Variants in CAT observed in about 807,000 individuals in gnomAD.
The protein encoded by CAT is catalase, also known as epididymis secretory sperm binding protein.
A neutral mutation model predicts 59.0 loss-of-function variants in CAT; 43 were observed. That is an observed-to-expected ratio of 0.73 (90% CI 0.57 to 0.94). CAT has a LOEUF of 0.94. CAT is among the 40% of genes least tolerant of loss of function. The pLI is 0.00. For synonymous variants in CAT, 218 were observed against 230.9 expected (o/e 0.94, Z 0.51); for missense variants, 664 against 682.9 (o/e 0.97, Z 0.31).
chr11:34,463,071 T>G (rs1261329039), intron 9 of CAT, among the ~76,000 whole-genome samples: 1 of 152,174 alleles, frequency 6.6e-6, no homozygotes, highest in East Asian at 1.9e-4. Context: ...GATTATCCAC[T>G]GTGGATAATC....
At chr11:34,451,220 A>G (rs937578193) in intron 3 of CAT, 122 bp downstream of exon 3, 43 of 742,644 alleles carry the variant, frequency 5.8e-5, no homozygotes, top group South Asian at 1.8e-4. Flanking sequence ...AATTATGTCA[A>G]GGTTTTACAG....
intron 3 of CAT, among the ~76,000 whole-genome samples, chr11:34,451,314 T>C (rs1464705523): frequency 6.6e-6 from 1 of 152,256 alleles, no homozygotes; most frequent in Non-Finnish European, 1.5e-5. Flanking sequence ...ACACAGAGGC[T>C]ACCTCTGCAA....
At chr11:34,461,926 A>G (rs1271790931) in intron 9 of CAT, among the ~76,000 whole-genome samples, 1 of 152,216 alleles carries the variant, frequency 6.6e-6, no homozygotes, top group East Asian at 1.9e-4. Context: ...GAGGCAGAGC[A>G]AGTCAAAGGA....
At chr11:34,441,579 G>T (rs141666428) in intron 1 of CAT, among the ~76,000 whole-genome samples, 8 of 152,258 alleles carry the variant, frequency 5.3e-5, no homozygotes, top group Middle Eastern at 3.4e-3. Context: ...AGGATAGTTT[G>T]AGCTCAGGAG....
chr11:34,439,222 A>G lies in CAT; in HGVS notation c.66+143A>G, dbSNP rs11604331. 0.3 allele frequency: 233,157 copies of G among 785,378 alleles called. 39,919 individuals carry two copies. Among genetic ancestry groups the G allele is most frequent in the Non-Finnish European group, 0.35 (161,998 of 461,284 alleles). 48.7% of individuals were successfully genotyped at this position (785,378 alleles called of 1,614,324 possible). ...GGGCAGGGGGGATCCCCTTCGGTGC[A>G]GACGGACTTTTACATTCGCCGAAGC... On this transcript the variant is annotated intron_variant, in intron 1 of 12. Transcript: ENST00000241052.
Position 34,471,476 on chromosome 11 carries a change from C to T in CAT, c.*43C>T, listed in dbSNP as rs376679358. On this transcript the variant is annotated 3_prime_UTR_variant, in exon 13 of 13. Transcript: ENST00000241052. ...TGTGCAGCGAAGCTTAGCGTTCATC[C>T]GTGTAACCCGCTCATCACTGGATGA... 60 of 1,508,680 alleles carry T rather than the reference C, an allele frequency of 4.0e-5. No homozygotes were observed. In the African/African-American group the frequency reaches 5.8e-4, roughly 15 times the overall value. The allele number at this position is 1,508,680 out of a possible 1,614,324, so 93.5% of individuals were successfully genotyped here.
At chr11:34,461,176 G>C in intron 8 of CAT, 75 bp from the exon 9 acceptor site, 1 of 1,507,734 alleles carries the variant, frequency 6.6e-7, no homozygotes, top group Non-Finnish European at 9.2e-7. Flanking sequence ...TCAAATTTCA[G>C]AATGAAGTTT....
chr11:34,471,382 C>T lies in CAT; in HGVS notation c.1533C>T (p.Thr511=), dbSNP rs748932000. The change falls in exon 13 of 13, where the codon ACC becomes ACT. Residue 511 remains threonine, a synonymous_variant. Transcript: ENST00000241052. ...NAEKPKNAIH[T]FVQSGSHLAA... The stretch of plus-strand genomic sequence containing the variant: ...TTTTAAAACAGAATGCGATTCACAC[C>T]TTTGTGCAGTCCGGATCTCACTTGG... The T allele has an allele frequency of 4.3e-6, 7 of 1,613,810 alleles. No individual in the cohort carries two copies. Among genetic ancestry groups the T allele is most frequent in the Admixed American group, 1.7e-5 (1 of 60,000 alleles).
chr11:34,469,081 A>T (rs1856748765), intron 11 of CAT, among the ~76,000 whole-genome samples: 1 of 152,204 alleles, frequency 6.6e-6, no homozygotes, highest in African/African-American at 2.4e-5. Flanking sequence ...GGTATTTCTG[A>T]TGGCCGCTCA....
intron 9 of CAT, among the ~76,000 whole-genome samples, chr11:34,463,047 C>T (rs572016990): frequency 1.3e-5 from 2 of 152,292 alleles, no homozygotes; most frequent in South Asian, 4.1e-4. Context: ...GAATGTCATA[C>T]ATAGGCACCT....
chr11:34,452,662 T>A (rs1564962720), intron 4 of CAT, among the ~76,000 whole-genome samples: 4 of 152,066 alleles, frequency 2.6e-5, no homozygotes. Context: ...GAGACCAGCC[T>A]GGGCAACATG....
chr11:34,442,786 G>A (rs533948921), intron 1 of CAT, among the ~76,000 whole-genome samples: 77 of 152,194 alleles, frequency 5.1e-4, no homozygotes, highest in South Asian at 3.7e-3. Context: ...GCTCAAGAGC[G>A]TGGAGAAGGG....
intron 8 of CAT, among the ~76,000 whole-genome samples, chr11:34,457,204 C>CTTTTT (rs899442681): frequency 1.2e-4 from 8 of 66,182 alleles, no homozygotes; most frequent in Admixed American, 1.9e-4. Context: ...TTTTCTTGTT[C>CTTTTT]TTTTTTTTTT....
intron 9 of CAT, among the ~76,000 whole-genome samples, chr11:34,463,880 C>A (rs1242922927): frequency 6.6e-6 from 1 of 152,136 alleles, no homozygotes; most frequent in African/African-American, 2.4e-5. Context: ...AGTGCGGCAG[C>A]CTGTGCAAGC....
At chr11:34,467,718 T>G (rs1856734894) in intron 10 of CAT, among the ~76,000 whole-genome samples, 1 of 152,202 alleles carries the variant, frequency 6.6e-6, no homozygotes, top group Non-Finnish European at 1.5e-5. Flanking sequence ...CTATTTTTCA[T>G]TTTAATTTAT....
chr11:34,440,184 C>T (rs1350554895), intron 1 of CAT, among the ~76,000 whole-genome samples: 6 of 152,306 alleles, frequency 3.9e-5, no homozygotes, highest in Admixed American at 6.5e-5. Flanking sequence ...AACTCAGGTT[C>T]GTGAACTGGG....
chr11:34,453,984 T>C, intron 6 of CAT, 58 bp downstream of exon 6: 2 of 1,574,620 alleles, frequency 1.3e-6, no homozygotes, highest in Non-Finnish European at 1.7e-6. Flanking sequence ...CTCCTTATTT[T>C]TCCTGAAGGA....
chr11:34,456,198 C>A lies in CAT; in HGVS notation c.899C>A (p.Thr300Asn). Reference sequence around the variant, plus strand: ...TTTCCATTTAATCCATTCGATCTCACCAAGGTGAGTCAGTAAACAACTATA... The same window carrying A: ...TTTCCATTTAATCCATTCGATCTCAACAAGGTGAGTCAGTAAACAACTATA... ...ETFPFNPFDL[T>N]KVWPHKDYPL... The change falls in exon 7 of 13, where the codon ACC becomes AAC. Residue 300 changes from threonine to asparagine, a missense_variant. By Grantham distance (65) the Thr-to-Asn change is moderately conservative (BLOSUM62 0). Transcript: ENST00000241052. 1 of 1,611,386 alleles carries A rather than the reference C, an allele frequency of 6.2e-7. No homozygotes were observed. The highest frequency in any genetic ancestry group is 8.5e-7 in the Non-Finnish European group (1 of 1,177,692).
intron 1 of CAT, among the ~76,000 whole-genome samples, chr11:34,443,529 C>T (rs1038863507): frequency 4.4e-4 from 66 of 151,612 alleles, no homozygotes; most frequent in African/African-American, 1.5e-3. Flanking sequence ...GCTTAGAATG[C>T]CATGGGCTCT....
Sources: allele counts gnomAD v4.1 joint callset (sites outside exome capture counted in the v4.1 genomes callset), GRCh38; gene constraint gnomAD v4.1.1; transcripts MANE v1.5; gene names NCBI Gene and HGNC (gene_info 2026-07-23, HGNC 2026-07-21).